The following WDR44 variants were observed in gnomAD, a reference collection of about 807,000 sequenced individuals.
The protein encoded by WDR44 is WD repeat-containing protein 44.
In WDR44, 9 loss-of-function variants were observed where a neutral mutation model predicts 65.7. That is an observed-to-expected ratio of 0.14 (90% CI 0.08 to 0.24). The LOEUF is 0.24. Among genes scored for constraint, WDR44 ranks in the 10% least tolerant of loss-of-function variants. The pLI, the probability that WDR44 is intolerant of heterozygous loss-of-function variation, is 1.00. For missense variants in WDR44, 425 were observed against 670.9 expected (o/e 0.63, Z 4.05); for synonymous variants, 220 against 235.2 (o/e 0.94, Z 0.59).
At chrX:118,426,831 C>G (rs1383841702) in intron 12 of WDR44, among the ~76,000 whole-genome samples, 1 of 109,487 alleles carries the variant, frequency 9.1e-6, no homozygotes, top group African/African-American at 3.3e-5. Flanking sequence ...AAAACAAAAA[C>G]AAACCAAAAA....
chrX:118,405,695 G>A (rs1188254356), intron 9 of WDR44, among the ~76,000 whole-genome samples: 1 of 111,300 alleles, frequency 9.0e-6, no homozygotes, highest in Non-Finnish European at 1.9e-5. Context: ...GTTCCACATG[G>A]AGGGATTCAA....
intron 12 of WDR44, among the ~76,000 whole-genome samples, chrX:118,422,839 C>T (rs2074726327): frequency 1.8e-5 from 2 of 111,793 alleles, no homozygotes; most frequent in South Asian, 7.4e-4. Context: ...TATTAATAGC[C>T]TCACTTTACA....
intron 12 of WDR44, among the ~76,000 whole-genome samples, chrX:118,424,765 A>G (rs758589690): frequency 1.8e-5 from 2 of 111,278 alleles, no homozygotes; most frequent in Non-Finnish European, 3.8e-5. Context: ...TGTCATATCC[A>G]AGAAATCATT....
intron 5 of WDR44, 53 bp downstream of exon 5, chrX:118,394,238 G>T: frequency 8.4e-7 from 1 of 1,192,855 alleles, no homozygotes; most frequent in Non-Finnish European, 1.1e-6. Context: ...CCCTGCAACT[G>T]GCTGGTTTGT....
intron 1 of WDR44, among the ~76,000 whole-genome samples, chrX:118,358,094 G>T (rs2056478473): frequency 8.9e-6 from 1 of 112,225 alleles, no homozygotes; most frequent in Non-Finnish European, 1.9e-5. Context: ...ATCTTGATCA[G>T]CAACAGCTAC....
chrX:118,420,589 C>T (rs1402589720), intron 12 of WDR44, among the ~76,000 whole-genome samples: 2 of 111,810 alleles, frequency 1.8e-5, no homozygotes, highest in African/African-American at 6.5e-5. Context: ...CTTTATCTCC[C>T]CCACAATAAG....
rs1167815349 is a variant in WDR44, at chrX:118,392,696, C to G, written c.251C>G (p.Ser84Cys). The change falls in exon 4 of 20, where the codon TCC (serine) becomes TGC (cysteine). Residue 84 changes from serine to cysteine, a missense_variant. This residue lies in a region of WDR44 where 193 missense variants were observed against 209.0 expected (regional missense o/e 0.92). Transcript: ENST00000254029. ...VLQLEDDSLD[S>C]KGKELSDQAT... ...CAGCTTGAAGATGACTCTTTGGATTCCAAAGGAAAAGAACTCTCTGATCAA... is the reference window on the plus strand; with the variant it reads ...CAGCTTGAAGATGACTCTTTGGATTGCAAAGGAAAAGAACTCTCTGATCAA... The G allele has an allele frequency of 1.7e-6, 2 of 1,208,522 alleles. No homozygotes were observed. Among genetic ancestry groups the G allele is most frequent in the Non-Finnish European group, 2.2e-6 (2 of 894,379 alleles).
intron 1 of WDR44, among the ~76,000 whole-genome samples, chrX:118,359,933 G>A (rs1268727452): frequency 1.8e-5 from 2 of 111,977 alleles, no homozygotes; most frequent in East Asian, 5.6e-4. Context: ...AAGGAAATTC[G>A]AGTGATTTCT....
At chrX:118,399,504 C>T (rs1378012159) in intron 8 of WDR44, among the ~76,000 whole-genome samples, 1 of 111,112 alleles carries the variant, frequency 9.0e-6, no homozygotes, top group African/African-American at 3.3e-5. Flanking sequence ...GGAACTTGGC[C>T]ATCTAGTAGT....
At chrX:118,374,330 A>G (rs1402820346) in intron 1 of WDR44, among the ~76,000 whole-genome samples, 1 of 111,778 alleles carries the variant, frequency 8.9e-6, no homozygotes, top group Non-Finnish European at 1.9e-5. Context: ...CAACTTTGCA[A>G]GTTATAAATA....
At position 118,449,099 on chromosome X, in the gene WDR44, A is replaced by G. The variant is rs1293353012; in HGVS notation, c.*112A>G. ...TTTAATTTTTATTGAAAGTTGTTCA[A>G]ATATAATATATTTTTTGAGAGGCAG... is the stretch of plus-strand genomic sequence containing the variant. On this transcript the variant is annotated 3_prime_UTR_variant, in exon 20 of 20. Coordinates refer to ENST00000254029, the MANE Select transcript of WDR44 (RefSeq NM_019045.5). 6.2e-6 allele frequency: 3 copies of G among 483,001 alleles called. No homozygotes were observed. Among genetic ancestry groups the G allele is most frequent in the Non-Finnish European group, 9.8e-6 (3 of 307,306 alleles). The allele number at this position is 483,001 out of a possible 1,213,427, so 39.8% of individuals were successfully genotyped here.
At chrX:118,346,096 G>A (rs2147651461), upstream of WDR44, 1 of 297,775 alleles carries the variant, frequency 3.4e-6, no homozygotes, top group South Asian at 1.9e-4. Context: ...CGCGAGGGTA[G>A]GTGCGCGTCG....
At chrX:118,366,686 A>G (rs1380864160) in intron 1 of WDR44, among the ~76,000 whole-genome samples, 1 of 111,129 alleles carries the variant, frequency 9.0e-6, no homozygotes, top group South Asian at 3.6e-4. Flanking sequence ...TATAATATAT[A>G]TAATCTATTA....
intron 1 of WDR44, among the ~76,000 whole-genome samples, chrX:118,368,339 G>C (rs2056571859): frequency 1.8e-5 from 2 of 108,280 alleles, no homozygotes; most frequent in African/African-American, 6.8e-5. Flanking sequence ...TTTTGCTTCA[G>C]GTATCTGTAG....
chrX:118,376,776 G>A (rs1465355742), intron 1 of WDR44, among the ~76,000 whole-genome samples: 2 of 110,873 alleles, frequency 1.8e-5, no homozygotes, highest in Non-Finnish European at 3.8e-5. Context: ...AGATGAGGCG[G>A]GTGGATTGCT....
chrX:118,414,249 T>C (rs753106605), intron 12 of WDR44, among the ~76,000 whole-genome samples: 1 of 101,680 alleles, frequency 9.8e-6, no homozygotes, highest in East Asian at 3.2e-4. Flanking sequence ...GCGTTGAACT[T>C]GCGATTGCTT....
intron 14 of WDR44, among the ~76,000 whole-genome samples, chrX:118,437,568 T>C (rs2057263903): frequency 8.9e-6 from 1 of 112,305 alleles, no homozygotes; most frequent in Non-Finnish European, 1.9e-5. Context: ...TGATTACATT[T>C]CCAGTGGTGT....
At chrX:118,384,559 C>T (rs2056749152) in intron 2 of WDR44, among the ~76,000 whole-genome samples, 1 of 111,837 alleles carries the variant, frequency 8.9e-6, no homozygotes, top group Admixed American at 9.5e-5. Context: ...GTACCAGTAC[C>T]ATGCTGTTTG....
At chrX:118,352,318 T>TTTTATA (rs1249579808) in intron 1 of WDR44, among the ~76,000 whole-genome samples, 1 of 16,870 alleles carries the variant, frequency 5.9e-5, no homozygotes, top group Non-Finnish European at 9.4e-5. Flanking sequence ...CCCAGCTAAT[T>TTTTATA]TATATATATA....
Sources: allele counts gnomAD v4.1 joint callset (sites outside exome capture counted in the v4.1 genomes callset), GRCh38; gene constraint gnomAD v4.1.1; regional missense constraint gnomAD v4.1.1; transcripts MANE v1.5; gene names NCBI Gene and HGNC (gene_info 2026-07-23, HGNC 2026-07-21).